EPPK1: variants seen among roughly 807,000 people sequenced by gnomAD.
The protein encoded by EPPK1 is epiplakin.
For missense variants in EPPK1, 3,823 were observed against 3,673.3 expected (o/e 1.04, Z -1.05); for synonymous variants, 1,862 against 1,721.2 (o/e 1.08, Z -2.03).
rs782196703 is a variant in EPPK1 at position 143,869,072 on chromosome 8, A to G, written c.4182T>C (p.Thr1394=). The G allele has an allele frequency of 1.2e-6, 2 of 1,608,560 alleles. No homozygotes were observed. Among genetic ancestry groups the G allele is most frequent in the South Asian group, 2.2e-5 (2 of 91,086 alleles). Residue 1394 remains threonine (T), a synonymous_variant, in exon 2 of 2, where the codon ACT becomes ACC. Transcript: ENST00000615648. ...AGAACTTGTTGTCCTTGTCAACTGC[A>G]GTCAGCACCTGGCTCGTCTGTGTGT... The part of the protein sequence containing the change: ...LLDTQTSQVL[T]AVDKDNKFFF...
rs782761073 is a variant in EPPK1, at chr8:143,869,674, C to T, written c.3580G>A (p.Val1194Ile). 62 of 1,596,292 alleles carry T rather than the reference C, an allele frequency of 3.9e-5. No homozygotes were observed. The highest frequency in any genetic ancestry group is 1.7e-4 in the Admixed American group (10 of 57,470). Residue 1194 changes from valine (V) to isoleucine (I), a missense_variant, in exon 2 of 2, where the codon GTC becomes ATC. Transcript: ENST00000615648. ...TCACCCCGTGGGCCGGGCACCATGA[C>T]GCGGGCCTGGGCCAGGAGCTTGGTC... ...QETKLLAQAR[V>I]MVPGPRGEVP...
Position 143,873,036 on chromosome 8 carries a change from G to A in EPPK1, c.218C>T (p.Ala73Val), listed in dbSNP as rs1554661813. Residue 73 changes from alanine to valine, a missense_variant, in exon 2 of 2, where the codon GCT becomes GTT. Physicochemically the swap from Ala to Val is moderately conservative, Grantham distance 64. Transcript: ENST00000615648. ...QGLLPAGLGQ[A>V]LLEAQAATGG... is the part of the protein sequence containing the mutation. ...AGTGGCTGCCTGGGCCTCTAGCAGA[G>A]CCTGCCCGAGCCCAGCAGGCAGGAG... 6.4e-7 allele frequency: 1 copy of A among 1,566,476 alleles called. No homozygotes were observed. The highest frequency in any genetic ancestry group is 8.7e-7 in the Non-Finnish European group (1 of 1,155,782).
At chr8:143,873,423 G>GC in intron 1 of EPPK1, 125 bp from the exon 2 acceptor site, 1 of 612,414 alleles carries the variant, frequency 1.6e-6, no homozygotes. Flanking sequence ...TGCAGCTAGA[G>GC]TGTCCCCGAG....
rs782499449 is a variant in EPPK1 at position 143,867,577 on chromosome 8, G to A, written c.5677C>T (p.Leu1893=). The A allele has an allele frequency of 4.3e-6, 7 of 1,612,970 alleles. No individual in the cohort carries two copies. In the South Asian group the frequency reaches 7.7e-5, roughly 18 times the overall value. The change falls in exon 2 of 2, where the codon CTG becomes TTG. Residue 1893 remains leucine (L), a synonymous_variant. Transcript: ENST00000615648. ...LSTLECVKPY[L]EGSGCIAGVT... ...CCCGCAATGCAGCCGCTGCCTTCCA[G>A]ATAGGGCTTCACACACTCCAGCGTG...
intron 1 of EPPK1, among the ~76,000 whole-genome samples, chr8:143,873,629 G>C (rs1040848267): frequency 6.6e-6 from 1 of 151,792 alleles, no homozygotes; most frequent in African/African-American, 2.4e-5. Flanking sequence ...CTGTGTCCTC[G>C]AGTCCTTCCT....
rs1563880766 is a variant in EPPK1, at chr8:143,867,644, C to T, written c.5610G>A (p.Leu1870=). 5.0e-6 allele frequency: 8 copies of T among 1,613,420 alleles called. No homozygotes were observed. Among genetic ancestry groups the T allele is most frequent in the Non-Finnish European group, 6.8e-6 (8 of 1,179,848 alleles). The change falls in exon 2 of 2, where the codon CTG becomes CTA. Residue 1870 remains leucine (L), a synonymous_variant. Coordinates refer to ENST00000615648, the MANE Select transcript of EPPK1 (RefSeq NM_031308.4). ...CAGTCCTCCCCACACGAAGTGTGTG[C>T]AGGGTCTTCTGATCGATGACCCTGG... The part of the protein sequence containing the change: ...FNSRVIDQKT[L]HTLRVGRTGG...
rs1330026806 is a variant in EPPK1 at position 143,871,110 on chromosome 8, T to C, written c.2144A>G (p.His715Arg). 9.9e-6 allele frequency: 16 copies of C among 1,612,982 alleles called. No homozygotes were observed. Among genetic ancestry groups the C allele is most frequent in the Non-Finnish European group, 1.3e-5 (15 of 1,180,010 alleles). The change falls in exon 2 of 2, where the codon CAC (histidine) becomes CGC (arginine). Residue 715 changes from histidine to arginine, a missense_variant. His to Arg is a conservative substitution (Grantham distance 29). Transcript: ENST00000615648. ...CTGGGCCTCCAGCAGGCGGATGCCG[T>C]GCTCCCGGACGATGAGGCCCTTCTG... ...AMQKGLIVRE[H>R]GIRLLEAQIA...
Position 143,867,974 on chromosome 8 carries a change from T to C in EPPK1, c.5280A>G (p.Ile1760Met). ...TGTACACGTAGTTTTCTCCTTTCTT[T>C]ATGATTTGTAGCAGGTACAGGCCCG... ...PETGLYLLQI[I>M]KKGENYVYIN... Residue 1760 changes from isoleucine to methionine, a missense_variant, in exon 2 of 2, where the codon ATA becomes ATG. Transcript: ENST00000615648. 1 of 1,613,608 alleles carries C rather than the reference T, an allele frequency of 6.2e-7. No individual in the cohort carries two copies. The highest frequency in any genetic ancestry group is 8.5e-7 in the Non-Finnish European group (1 of 1,179,972).
At position 143,870,838 on chromosome 8, in the gene EPPK1, C is replaced by T. The variant is rs1554660937; in HGVS notation, c.2416G>A (p.Val806Met). 1 of 1,612,880 alleles carries T rather than the reference C, an allele frequency of 6.2e-7. No individual in the cohort carries two copies. Among genetic ancestry groups the T allele is most frequent in the Admixed American group, 1.7e-5 (1 of 60,022 alleles). Residue 806 changes from valine to methionine, a missense_variant, in exon 2 of 2, where the codon GTG (valine) becomes ATG (methionine). Physicochemically the swap from Val to Met is conservative, Grantham distance 21. Transcript: ENST00000615648. This position sits in a 1 kb window ranked among gnomAD's most constrained non-coding sequence, Gnocchi z 5.2. ...AAGGCCTGCTGGGTGGCACTGTCCA[C>T]CAGCGGGGACTGCGTGCTGCTGAGT... ...LPLSSTQSPL[V>M]DSATQQAFQN...
Position 143,872,086 on chromosome 8 carries a change from G to C in EPPK1, c.1168C>G (p.Leu390Val). Reference sequence around the variant, plus strand: ...TGGGCATCCAAGAGCCGCAGTGCCAGTGGCCTGTCCACTAGCCCCTTCTTC... The same window carrying C: ...TGGGCATCCAAGAGCCGCAGTGCCACTGGCCTGTCCACTAGCCCCTTCTTC... ...AMKKGLVDRP[L>V]ALRLLDAQLA... The change falls in exon 2 of 2, where the codon CTG becomes GTG. Residue 390 changes from leucine to valine, a missense_variant. Physicochemically the swap from Leu to Val is conservative, Grantham distance 32. Transcript: ENST00000615648. The C allele has an allele frequency of 6.4e-7, 1 of 1,562,380 alleles. No homozygotes were observed. The highest frequency in any genetic ancestry group is 8.7e-7 in the Non-Finnish European group (1 of 1,153,538).
Position 143,868,776 on chromosome 8 carries a change from C to G in EPPK1, c.4478G>C (p.Gly1493Ala). 1 of 1,597,998 alleles carries G rather than the reference C, an allele frequency of 6.3e-7. No individual in the cohort carries two copies. Among genetic ancestry groups the G allele is most frequent in the Non-Finnish European group, 8.5e-7 (1 of 1,177,204 alleles). Reference protein sequence around the residue: ...RRELVALCRSGRAAALRQVVS... With the variant: ...RRELVALCRSARAAALRQVVS... ...CACCTGCCGCAGGGCCGCAGCCCTC[C>G]CAGACCGACAGAGTGCCACCAGCTC... The change falls in exon 2 of 2, where the codon GGG becomes GCG. Residue 1493 changes from glycine to alanine, a missense_variant. Transcript: ENST00000615648.
At chr8:143,876,856 G>A (rs1333156091) in intron 1 of EPPK1, among the ~76,000 whole-genome samples, 1 of 152,222 alleles carries the variant, frequency 6.6e-6, no homozygotes, top group African/African-American at 2.4e-5. Flanking sequence ...GGGAGGGGCA[G>A]TGCGGGCCAG....
rs376905444 is a variant in EPPK1, at chr8:143,869,143, C to G, written c.4111G>C (p.Gly1371Arg). The change falls in exon 2 of 2, where the codon GGG becomes CGG. Residue 1371 changes from glycine to arginine, a missense_variant. Coordinates refer to ENST00000615648, the MANE Select transcript of EPPK1 (RefSeq NM_031308.4). ...ATGGVVDPVH[G>R]VHLPQAAACR... is the part of the protein sequence containing the mutation. The stretch of plus-strand genomic sequence containing the variant: ...GCTGCCGCCTGGGGCAGGTGCACCC[C>G]GTGGACAGGGTCCACCACACCCCCT... The G allele has an allele frequency of 7.5e-6, 12 of 1,606,140 alleles. No homozygotes were observed. The highest frequency in any genetic ancestry group is 9.3e-6 in the Non-Finnish European group (11 of 1,179,452).
In EPPK1 at chr8:143,869,649, T is replaced by A; in HGVS notation, c.3605A>T (p.Glu1202Val). Reference protein sequence around the residue: ...ARVMVPGPRGEVPAVWLLDAG... With the variant: ...ARVMVPGPRGVVPAVWLLDAG... ...ATCCAGCAGCCAGACAGCGGGTACC[T>A]CACCCCGTGGGCCGGGCACCATGAC... The change falls in exon 2 of 2, where the codon GAG becomes GTG. Residue 1202 changes from glutamate (E) to valine (V), a missense_variant. Coordinates refer to ENST00000615648, the MANE Select transcript of EPPK1 (RefSeq NM_031308.4). The A allele has an allele frequency of 6.3e-7, 1 of 1,591,212 alleles. No individual in the cohort carries two copies. Among genetic ancestry groups the A allele is most frequent in the Admixed American group, 1.8e-5 (1 of 57,134 alleles).
At position 143,871,933 on chromosome 8, in the gene EPPK1, C is replaced by T. The variant is rs200370864; in HGVS notation, c.1321G>A (p.Gly441Ser). The T allele has an allele frequency of 8.0e-4, 1,287 of 1,603,184 alleles. 4 individuals carry two copies. Among genetic ancestry groups the T allele is most frequent in the Middle Eastern group, 2.3e-3 (14 of 6,006 alleles). The change falls in exon 2 of 2, where the codon GGC becomes AGC. Residue 441 changes from glycine to serine, a missense_variant. Coordinates refer to ENST00000615648, the MANE Select transcript of EPPK1 (RefSeq NM_031308.4). ...QLSQAGSFSD[G>S]THGGLRYEQL... ...TCATAGCGCAGGCCGCCGTGCGTGC[C>T]GTCTGAGAAGCTGCCAGCCTGCGAG...
Position 143,867,339 on chromosome 8 carries a change from T to G in EPPK1, c.5915A>C (p.Glu1972Ala). The change falls in exon 2 of 2, where the codon GAA (glutamate) becomes GCA (alanine). Residue 1972 changes from glutamate to alanine, a missense_variant. Transcript: ENST00000615648. ...ATCCCTGTAGCCCGTGGCAGCTCTT[T>G]CAGCCTTCAGGAGCCTCTCCCGCAG... ...EELRERLLKA[E>A]RAATGYRDPA... 6.2e-7 allele frequency: 1 copy of G among 1,612,818 alleles called. No homozygotes were observed. The highest frequency in any genetic ancestry group is 1.3e-5 in the African/African-American group (1 of 75,050).
At position 143,866,515 on chromosome 8, in the gene EPPK1, G is replaced by T; in HGVS notation, c.6739C>A (p.Gln2247Lys). 1 of 1,570,050 alleles carries T rather than the reference G, an allele frequency of 6.4e-7. No homozygotes were observed. The highest frequency in any genetic ancestry group is 8.6e-7 in the Non-Finnish European group (1 of 1,161,750). The change falls in exon 2 of 2, where the codon CAG (glutamine) becomes AAG (lysine). Residue 2247 changes from glutamine to lysine, a missense_variant. Coordinates refer to ENST00000615648, the MANE Select transcript of EPPK1 (RefSeq NM_031308.4). ...CGCAGCACGCCCTTCCACATGGCCTGGTAGATGCTCATCTTCTCCTGGCGG... is the reference window on the plus strand; with the variant it reads ...CGCAGCACGCCCTTCCACATGGCCTTGTAGATGCTCATCTTCTCCTGGCGG... ...PGRQEKMSIY[Q>K]AMWKGVLRPG... is the part of the protein sequence containing the mutation.
At position 143,868,724 on chromosome 8, in the gene EPPK1, C is replaced by G. The variant is rs782537971; in HGVS notation, c.4530G>C (p.Glu1510Asp). Residue 1510 changes from glutamate to aspartate, a missense_variant, in exon 2 of 2, where the codon GAG becomes GAC. Glu to Asp is a conservative substitution (Grantham distance 45, BLOSUM62 2). Coordinates refer to ENST00000615648, the MANE Select transcript of EPPK1 (RefSeq NM_031308.4). The stretch of plus-strand genomic sequence containing the variant: ...CCTGCAGGGGCTGCCTCTCTGCAGC[C>G]TCGACCAGGGTGGTGACTGCGCTGA... The part of the protein sequence containing the change: ...QVVSAVTTLV[E>D]AAERQPLQAT... The G allele has an allele frequency of 1.3e-5, 20 of 1,579,776 alleles. No homozygotes were observed. The highest frequency in any genetic ancestry group is 1.7e-4 in the Middle Eastern group (1 of 6,056).
chr8:143,867,184 G>C lies in EPPK1; in HGVS notation c.6070C>G (p.Arg2024Gly), dbSNP rs782809770. The change falls in exon 2 of 2, where the codon CGG becomes GGG. Residue 2024 changes from arginine to glycine, a missense_variant. Coordinates refer to ENST00000615648, the MANE Select transcript of EPPK1 (RefSeq NM_031308.4). ...GGVIDPQHHHRLPLETAYRRG... is the reference protein window; with the variant it reads ...GGVIDPQHHHGLPLETAYRRG... The stretch of plus-strand genomic sequence containing the variant: ...CTGTAGGCTGTTTCCAGTGGGAGCC[G>C]GTGGTGGTGCTGTGGGTCGATGACA... 6.2e-7 allele frequency: 1 copy of C among 1,612,734 alleles called. No homozygotes were observed. Among genetic ancestry groups the C allele is most frequent in the Non-Finnish European group, 8.5e-7 (1 of 1,179,794 alleles).
Sources: gnomAD v4.1 joint callset for allele counts (sites outside exome capture counted in the v4.1 genomes callset) on GRCh38, gnomAD v4.1.1 for gene constraint, Gnocchi (gnomAD v3.1) non-coding constraint, MANE v1.5 for transcripts, NCBI Gene and HGNC (gene_info 2026-07-23, HGNC 2026-07-21) for gene names.